The following PDE4D variants were observed in gnomAD, a reference collection of about 807,000 sequenced individuals.
PDE4D encodes the protein 3',5'-cyclic-AMP phosphodiesterase 4D.
Under a neutral mutation model 87.4 loss-of-function variants are expected in PDE4D, and 24 were observed. The observed-to-expected ratio is 0.27, with a 90% CI of 0.20 to 0.39. The LOEUF is 0.39. Among genes scored for constraint, PDE4D ranks in the 10% least tolerant of loss-of-function variants. The pLI, the probability that PDE4D is intolerant of heterozygous loss-of-function variation, is 1.00. For synonymous variants in PDE4D, 384 were observed against 383.2 expected (o/e 1.00, Z -0.02); for missense variants, 714 against 1,041.0 (o/e 0.69, Z 4.32).
chr5:59,531,736 C>G (rs1814261560), intron 1 of PDE4D, among the ~76,000 whole-genome samples: 1 of 152,160 alleles, frequency 6.6e-6, no homozygotes, highest in South Asian at 2.1e-4. Context: ...CTAACCTAAC[C>G]AGGGAAAAGT....
chr5:59,406,887 A>G (rs891835812), intron 1 of PDE4D, among the ~76,000 whole-genome samples: 34 of 151,994 alleles, frequency 2.2e-4, no homozygotes, highest in African/African-American at 8.2e-4. Flanking sequence ...TTTTATATCA[A>G]CCTAATCATC....
chr5:60,382,870 C>T (rs1291940862), intron 1 of PDE4D, among the ~76,000 whole-genome samples: 1 of 152,150 alleles, frequency 6.6e-6, no homozygotes, highest in Non-Finnish European at 1.5e-5. Context: ...TTGCACCCTG[C>T]TACACTTCCT....
At chr5:59,136,329 C>A (rs905170940) in intron 5 of PDE4D, among the ~76,000 whole-genome samples, 1 of 152,048 alleles carries the variant, frequency 6.6e-6, no homozygotes, top group African/African-American at 2.4e-5. Context: ...TTAATATATT[C>A]TTTTTAGAAG....
intron 1 of PDE4D, among the ~76,000 whole-genome samples, chr5:59,764,306 C>A (rs946953641): frequency 1.3e-5 from 2 of 152,104 alleles, no homozygotes; most frequent in African/African-American, 4.8e-5. Context: ...CACTAAGGGT[C>A]CAGCCCTGTG....
intron 1 of PDE4D, among the ~76,000 whole-genome samples, chr5:60,371,680 CT>C (rs1254557814): frequency 3.9e-5 from 6 of 152,106 alleles, no homozygotes; most frequent in Non-Finnish European, 8.8e-5. Context: ...TCTCAGGCAC[CT>C]TCTCCCCTGA....
intron 2 of PDE4D, among the ~76,000 whole-genome samples, chr5:60,134,488 T>C (rs948298144): frequency 2.6e-5 from 4 of 152,162 alleles, no homozygotes; most frequent in African/African-American, 9.7e-5. Flanking sequence ...CTGGGTGATA[T>C]AGCAGACCCT....
At chr5:59,915,758 T>C (rs2152774131) in intron 3 of PDE4D, among the ~76,000 whole-genome samples, 1 of 152,318 alleles carries the variant, frequency 6.6e-6, no homozygotes. Flanking sequence ...ATAGGAAGTA[T>C]GAGTAAATCA....
intron 2 of PDE4D, among the ~76,000 whole-genome samples, chr5:60,042,841 G>C (rs1768682921): frequency 6.6e-6 from 1 of 152,136 alleles, no homozygotes; most frequent in Non-Finnish European, 1.5e-5. Flanking sequence ...AAGATGGGGA[G>C]GAACCAGTGC....
intron 1 of PDE4D, among the ~76,000 whole-genome samples, chr5:59,307,396 A>G (rs1297570037): frequency 6.6e-6 from 1 of 151,384 alleles, no homozygotes; most frequent in Non-Finnish European, 1.5e-5. Context: ...TGCACAGCAA[A>G]AGAAACTACC....
At chr5:60,390,660 A>T (rs985359225) in intron 1 of PDE4D, among the ~76,000 whole-genome samples, 7 of 152,096 alleles carry the variant, frequency 4.6e-5, no homozygotes, top group Non-Finnish European at 7.4e-5. Flanking sequence ...AAAAAAAAAA[A>T]AACAAGAACC....
chr5:60,176,246 C>A (rs1783889088), intron 2 of PDE4D, among the ~76,000 whole-genome samples: 1 of 152,104 alleles, frequency 6.6e-6, no homozygotes, highest in East Asian at 1.9e-4. Flanking sequence ...TGGTGTCTAC[C>A]CAAGGAAAAA....
At chr5:59,753,288 A>C (rs936049379) in intron 1 of PDE4D, among the ~76,000 whole-genome samples, 4 of 152,142 alleles carry the variant, frequency 2.6e-5, no homozygotes, top group Non-Finnish European at 5.9e-5. Flanking sequence ...ATTGGGAGGG[A>C]ACAGAACAGC....
chr5:59,765,882 T>C (rs1255711880), intron 1 of PDE4D, among the ~76,000 whole-genome samples: 1 of 152,220 alleles, frequency 6.6e-6, no homozygotes, highest in Non-Finnish European at 1.5e-5. Flanking sequence ...TATTCTACCA[T>C]GGTATAAATT....
At chr5:59,629,659 G>A (rs942761634) in intron 1 of PDE4D, among the ~76,000 whole-genome samples, 25 of 152,210 alleles carry the variant, frequency 1.6e-4, no homozygotes, top group African/African-American at 6.0e-4. Context: ...AAGGCACCAA[G>A]CTTGTGGTAT....
intron 3 of PDE4D, among the ~76,000 whole-genome samples, chr5:59,964,169 A>G (rs1440164168): frequency 6.6e-6 from 1 of 152,214 alleles, no homozygotes; most frequent in Non-Finnish European, 1.5e-5. Context: ...TGAAGTGTCC[A>G]TTGACATCAT....
intron 1 of PDE4D, among the ~76,000 whole-genome samples, chr5:59,678,424 T>A (rs967337096): frequency 6.6e-6 from 1 of 152,116 alleles, no homozygotes; most frequent in Non-Finnish European, 1.5e-5. Flanking sequence ...AATATCTCTA[T>A]CATTAAAAAA....
chr5:60,050,159 A>C (rs987285714), intron 2 of PDE4D, among the ~76,000 whole-genome samples: 2 of 152,134 alleles, frequency 1.3e-5, no homozygotes, highest in African/African-American at 4.8e-5. Context: ...TTCTTTGACT[A>C]GGAAAGGGAA....
At chr5:60,263,813 GAAAGA>G (rs373818468) in intron 1 of PDE4D, among the ~76,000 whole-genome samples, 2 of 151,918 alleles carry the variant, frequency 1.3e-5, no homozygotes, top group African/African-American at 4.8e-5. Context: ...AGGCACCCTG[GAAAGA>G]AAAGAAAATT....
chr5:59,224,183 G>A (rs73106876), intron 1 of PDE4D, among the ~76,000 whole-genome samples: 17,797 of 148,726 alleles, frequency 0.12, 1,226 homozygotes, highest in Middle Eastern at 0.17. Context: ...CTGTGGTGCT[G>A]AGGCAGGAGA....
Sources: gnomAD v4.1 joint callset for allele counts (sites outside exome capture counted in the v4.1 genomes callset) on GRCh38, gnomAD v4.1.1 for gene constraint, MANE v1.5 for transcripts, NCBI Gene and HGNC (gene_info 2026-07-23, HGNC 2026-07-21) for gene names.